TIGD3: variants seen among roughly 807,000 people sequenced by gnomAD.
The protein encoded by TIGD3 is tigger transposable element-derived protein 3.
Under a neutral mutation model 14.8 loss-of-function variants are expected in TIGD3, and 7 were observed. The observed-to-expected ratio is 0.47, with a 90% CI of 0.27 to 0.89. The LOEUF is 0.89. Ranked by LOEUF, TIGD3 falls within the 40% of genes least tolerant of loss-of-function variation. The pLI, the probability that TIGD3 is intolerant of heterozygous loss-of-function variation, is 0.13. For synonymous variants in TIGD3, 243 were observed against 269.4 expected (o/e 0.90, Z 0.96); for missense variants, 581 against 611.0 (o/e 0.95, Z 0.52).
chr11:65,355,336 CTG>C (rs1316688018), intron 1 of TIGD3, among the ~76,000 whole-genome samples: 1 of 151,846 alleles, frequency 6.6e-6, no homozygotes, highest in African/African-American at 2.4e-5. Context: ...CACCTCAACT[CTG>C]TGTGCATCCA....
rs763224352 is a variant in TIGD3, at chr11:65,356,225, T to G, written c.417T>G (p.His139Gln). Residue 139 changes from histidine (H) to glutamine (Q), a missense_variant, in exon 2 of 2, where the codon CAT becomes CAG. Coordinates refer to ENST00000309880, the MANE Select transcript of TIGD3 (RefSeq NM_145719.3). The surrounding 1 kb of genome is among the most constrained non-coding windows in gnomAD (Gnocchi z 5.2). ...ACAACGTCGGCTTTGGGGCCCGCCATGTTCTTGCGCCTTCATTCCCCCCTG... is the reference window on the plus strand; with the variant it reads ...ACAACGTCGGCTTTGGGGCCCGCCAGGTTCTTGCGCCTTCATTCCCCCCTG... ...RRNNVGFGAR[H>Q]VLAPSFPPEP... 3 of 1,613,158 alleles carry G rather than the reference T, an allele frequency of 1.9e-6. No homozygotes were observed.
At position 65,356,960 on chromosome 11, in the gene TIGD3, C is replaced by T. The variant is rs780734660; in HGVS notation, c.1152C>T (p.Pro384=). 3 of 1,614,142 alleles carry T rather than the reference C, an allele frequency of 1.9e-6. No individual in the cohort carries two copies. Among genetic ancestry groups the T allele is most frequent in the Non-Finnish European group, 2.5e-6 (3 of 1,180,038 alleles). The change falls in exon 2 of 2, where the codon CCC becomes CCT. Residue 384 remains proline (P), a synonymous_variant. Coordinates refer to ENST00000309880, the MANE Select transcript of TIGD3 (RefSeq NM_145719.3). The surrounding 1 kb of genome is among the most constrained non-coding windows in gnomAD (Gnocchi z 5.2). ...SHKTSEMPPV[P]GGLSLEEFSR... is the part of the protein sequence containing the mutation. Reference sequence around the variant, plus strand: ...AAACCTCTGAGATGCCACCAGTCCCCGGCGGGCTGAGCCTGGAGGAGTTTT... The same window carrying T: ...AAACCTCTGAGATGCCACCAGTCCCTGGCGGGCTGAGCCTGGAGGAGTTTT...
chr11:65,355,823 CAAG>C lies in TIGD3; in HGVS notation c.22_24del (p.Lys8del), dbSNP rs773003096. The C allele has an allele frequency of 9.3e-6, 15 of 1,612,122 alleles. No individual in the cohort carries two copies. Among genetic ancestry groups the C allele is most frequent in the South Asian group, 4.4e-5 (4 of 91,004 alleles). ...CCGGAGAGGCCATGGAGCTGAGCAG[CAAG>C]AAGAAGCTTCACGCCCTGTCCCTGG... On this transcript the variant is annotated inframe_deletion, in exon 2 of 2. Transcript: ENST00000309880.
At chr11:65,355,411 C>T (rs1854834490) in intron 1 of TIGD3, among the ~76,000 whole-genome samples, 1 of 150,752 alleles carries the variant, frequency 6.6e-6, no homozygotes. Flanking sequence ...CACTCCCTCC[C>T]GGGGGCTCCT....
At position 65,356,022 on chromosome 11, in the gene TIGD3, C is replaced by T. The variant is rs1298167324; in HGVS notation, c.214C>T (p.Arg72Trp). 12 of 1,613,406 alleles carry T rather than the reference C, an allele frequency of 7.4e-6. No homozygotes were observed. The highest frequency in any genetic ancestry group is 1.0e-5 in the Non-Finnish European group (12 of 1,180,034). Residue 72 changes from arginine to tryptophan, a missense_variant, in exon 2 of 2, where the codon CGG becomes TGG. By Grantham distance (101) the Arg-to-Trp change is moderately radical. Transcript: ENST00000309880. The surrounding 1 kb of genome is among the most constrained non-coding windows in gnomAD (Gnocchi z 5.2). ...AGCCAACCGAGAGCGCAAGCGCAAG[C>T]GGGAGTCCAAGTACAGCGGGATCGA... ...GTANRERKRK[R>W]ESKYSGIDEA...
chr11:65,355,827 A>G lies in TIGD3; in HGVS notation c.19A>G (p.Lys7Glu). The change falls in exon 2 of 2, where the codon AAG becomes GAG. Residue 7 changes from lysine (K) to glutamate (E), a missense_variant. Coordinates refer to ENST00000309880, the MANE Select transcript of TIGD3 (RefSeq NM_145719.3). MELSSK[K>E]KLHALSLAEK... Reference sequence around the variant, plus strand: ...AGAGGCCATGGAGCTGAGCAGCAAGAAGAAGCTTCACGCCCTGTCCCTGGC... The same window carrying G: ...AGAGGCCATGGAGCTGAGCAGCAAGGAGAAGCTTCACGCCCTGTCCCTGGC... 1 of 1,612,634 alleles carries G rather than the reference A, an allele frequency of 6.2e-7. No individual in the cohort carries two copies. The highest frequency in any genetic ancestry group is 8.5e-7 in the Non-Finnish European group (1 of 1,179,314).
rs779678255 is a variant in TIGD3 at position 65,356,042 on chromosome 11, G to A, written c.234G>A (p.Gly78=). The A allele has an allele frequency of 3.2e-5, 52 of 1,612,878 alleles. No individual in the cohort carries two copies. The highest frequency in any genetic ancestry group is 2.3e-4 in the Admixed American group (14 of 60,004). The change falls in exon 2 of 2, where the codon GGG becomes GGA. Residue 78 remains glycine (G), a synonymous_variant. Transcript: ENST00000309880. This position sits in a 1 kb window ranked among gnomAD's most constrained non-coding sequence, Gnocchi z 5.2. ...GCAAGCGGGAGTCCAAGTACAGCGG[G>A]ATCGACGAGGCTCTGCTCTGCTGGT... ...RKRKRESKYS[G]IDEALLCWYH... is the part of the protein sequence containing the mutation.
At chr11:65,355,484 C>T (rs1458070594) in intron 1 of TIGD3, among the ~76,000 whole-genome samples, 3 of 150,972 alleles carry the variant, frequency 2.0e-5, no homozygotes, top group Admixed American at 6.6e-5. Flanking sequence ...CTCCCCCGTC[C>T]GTATGCCTTT....
rs756375682 is a variant in TIGD3 at position 65,357,173 on chromosome 11, C to G, written c.1365C>G (p.Phe455Leu). 2 of 1,614,046 alleles carry G rather than the reference C, an allele frequency of 1.2e-6. No homozygotes were observed. The highest frequency in any genetic ancestry group is 1.7e-6 in the Non-Finnish European group (2 of 1,180,040). ...GCAACAGCACTTCTCCTGAGCTATTCGAAAAATTCTACGACTGTGAGGAGG... is the reference window on the plus strand; with the variant it reads ...GCAACAGCACTTCTCCTGAGCTATTGGAAAAATTCTACGACTGTGAGGAGG... ...FECNSTSPEL[F>L]EKFYDCEEEV... The change falls in exon 2 of 2, where the codon TTC becomes TTG. Residue 455 changes from phenylalanine (F) to leucine (L), a missense_variant. By Grantham distance (22) the Phe-to-Leu change is conservative. Coordinates refer to ENST00000309880, the MANE Select transcript of TIGD3 (RefSeq NM_145719.3).
rs1482807677 is a variant in TIGD3 at position 65,354,755 on chromosome 11, C to A, written c.-219C>A. The A allele has an allele frequency of 6.6e-6, 1 of 151,166 alleles. No individual in the cohort carries two copies. Among genetic ancestry groups the A allele is most frequent in the Admixed American group, 6.6e-5 (1 of 15,194 alleles). The allele number at this position is 151,166 out of a possible 1,614,324, so 9.4% of individuals were successfully genotyped here. ...AGGGGCCGCACCGCGGACTTCGCAG[C>A]CGGGAGAGAGCCCGGCGCGGGCGGC... On this transcript the variant is annotated 5_prime_UTR_variant, in exon 1 of 2. Coordinates refer to ENST00000309880, the MANE Select transcript of TIGD3 (RefSeq NM_145719.3).
In TIGD3 at chr11:65,357,019, G is replaced by A; in HGVS notation, c.1211G>A (p.Arg404Lys). 6.2e-7 allele frequency: 1 copy of A among 1,614,142 alleles called. No individual in the cohort carries two copies. ...RFVDLEGEEPRSGVCKEEIGT... is the reference protein window; with the variant it reads ...RFVDLEGEEPKSGVCKEEIGT... ...GTGGACCTGGAGGGTGAGGAGCCAA[G>A]GTCTGGAGTATGTAAGGAGGAGATA... is the stretch of plus-strand genomic sequence containing the variant. The change falls in exon 2 of 2, where the codon AGG (arginine) becomes AAG (lysine). Residue 404 changes from arginine to lysine, a missense_variant. Arg to Lys is a conservative substitution (Grantham distance 26, BLOSUM62 2). Coordinates refer to ENST00000309880, the MANE Select transcript of TIGD3 (RefSeq NM_145719.3).
In TIGD3 at chr11:65,356,096, C is replaced by A. The variant is rs1265301641; in HGVS notation, c.288C>A (p.Asp96Glu). 1.9e-6 allele frequency: 3 copies of A among 1,611,442 alleles called. No individual in the cohort carries two copies. The Admixed American group carries it at 5.0e-5, about 27-fold the overall frequency. Residue 96 changes from aspartate (D) to glutamate (E), a missense_variant, in exon 2 of 2, where the codon GAC becomes GAA. Coordinates refer to ENST00000309880, the MANE Select transcript of TIGD3 (RefSeq NM_145719.3). The surrounding 1 kb of genome is among the most constrained non-coding windows in gnomAD (Gnocchi z 5.2). ...ACATTGCCCGGGCCAAGGCCTGGGA[C>A]GTGACGGGGCCCATGCTGCTCCACA... ...WYHIARAKAW[D>E]VTGPMLLHKA...
chr11:65,355,247 C>A (rs1394017460), intron 1 of TIGD3, among the ~76,000 whole-genome samples: 1 of 151,734 alleles, frequency 6.6e-6, no homozygotes, highest in Non-Finnish European at 1.5e-5. Flanking sequence ...CGTCGCCTAG[C>A]CTCCCTCTCA....
At chr11:65,355,351 C>T (rs937588000) in intron 1 of TIGD3, among the ~76,000 whole-genome samples, 2 of 146,142 alleles carry the variant, frequency 1.4e-5, no homozygotes, top group Admixed American at 6.8e-5. Context: ...TGCATCCACC[C>T]ACCTCCCACC....
In TIGD3 at chr11:65,356,921, C is replaced by G. The variant is rs775020915; in HGVS notation, c.1113C>G (p.Pro371=). 2.5e-6 allele frequency: 4 copies of G among 1,613,958 alleles called. No individual in the cohort carries two copies. The highest frequency in any genetic ancestry group is 3.4e-6 in the Non-Finnish European group (4 of 1,180,046). ...IQEGLAPGKT[P]PSSHKTSEMP... Reference sequence around the variant, plus strand: ...AAGGGCTGGCTCCCGGCAAAACGCCCCCGTCCTCGCACAAAACCTCTGAGA... The same window carrying G: ...AAGGGCTGGCTCCCGGCAAAACGCCGCCGTCCTCGCACAAAACCTCTGAGA... The change falls in exon 2 of 2, where the codon CCC becomes CCG. Residue 371 remains proline (P), a synonymous_variant. Transcript: ENST00000309880. The surrounding 1 kb of genome is among the most constrained non-coding windows in gnomAD (Gnocchi z 5.2).
At position 65,357,199 on chromosome 11, in the gene TIGD3, A is replaced by G; in HGVS notation, c.1391A>G (p.Glu464Gly). The part of the protein sequence containing the change: ...LFEKFYDCEE[E>G]VERLCCL Reference sequence around the variant, plus strand: ...GAAAAATTCTACGACTGTGAGGAGGAGGTGGAGCGGCTTTGCTGCCTATGA... The same window carrying G: ...GAAAAATTCTACGACTGTGAGGAGGGGGTGGAGCGGCTTTGCTGCCTATGA... The change falls in exon 2 of 2, where the codon GAG becomes GGG. Residue 464 changes from glutamate to glycine, a missense_variant. Glu to Gly is a moderately conservative substitution (Grantham distance 98). Coordinates refer to ENST00000309880, the MANE Select transcript of TIGD3 (RefSeq NM_145719.3). The G allele has an allele frequency of 1.2e-6, 2 of 1,614,114 alleles. No individual in the cohort carries two copies. Among genetic ancestry groups the G allele is most frequent in the Non-Finnish European group, 1.7e-6 (2 of 1,180,010 alleles).
chr11:65,357,365 C>T lies in TIGD3; in HGVS notation c.*141C>T, dbSNP rs1482040486. On this transcript the variant is annotated 3_prime_UTR_variant, in exon 2 of 2. Transcript: ENST00000309880. ...GTAGAAGGGAGAGAAGTTGGGACAC[C>T]AAGTCTGAGCTTGGAGTGGCAGTCG... The T allele has an allele frequency of 2.5e-6, 2 of 793,856 alleles. No homozygotes were observed. The highest frequency in any genetic ancestry group is 3.5e-5 in the African/African-American group (2 of 57,054). The allele number at this position is 793,856 out of a possible 1,614,324, so 49.2% of individuals were successfully genotyped here.
In TIGD3 at chr11:65,356,531, C is replaced by G. The variant is rs761390041; in HGVS notation, c.723C>G (p.Ile241Met). The G allele has an allele frequency of 7.2e-5, 116 of 1,606,974 alleles. No homozygotes were observed. The highest frequency in any genetic ancestry group is 9.7e-5 in the Non-Finnish European group (115 of 1,179,956). ...LPASYHPDLG[I>M]PWLEWLAQFD... Reference sequence around the variant, plus strand: ...CCTCCTACCACCCGGACCTGGGCATCCCCTGGTTAGAGTGGTTGGCACAGT... The same window carrying G: ...CCTCCTACCACCCGGACCTGGGCATGCCCTGGTTAGAGTGGTTGGCACAGT... Residue 241 changes from isoleucine to methionine, a missense_variant, in exon 2 of 2, where the codon ATC (isoleucine) becomes ATG (methionine). Transcript: ENST00000309880. The surrounding 1 kb of genome is among the most constrained non-coding windows in gnomAD (Gnocchi z 5.2).
At position 65,356,487 on chromosome 11, in the gene TIGD3, C is replaced by A; in HGVS notation, c.679C>A (p.Arg227Ser). The change falls in exon 2 of 2, where the codon CGC (arginine) becomes AGC (serine). Residue 227 changes from arginine to serine, a missense_variant. Coordinates refer to ENST00000309880, the MANE Select transcript of TIGD3 (RefSeq NM_145719.3). The surrounding 1 kb of genome is among the most constrained non-coding windows in gnomAD (Gnocchi z 5.2). ...TGCCCCGAGATGCTTCTTTGGGATC[C>A]GCAGTGAGGCTCTGCCTGCCTCCTA... ...QAAPRCFFGIRSEALPASYHP... is the reference protein window; with the variant it reads ...QAAPRCFFGISSEALPASYHP... The A allele has an allele frequency of 6.2e-7, 1 of 1,606,996 alleles. No homozygotes were observed.
Sources: allele counts gnomAD v4.1 joint callset (sites outside exome capture counted in the v4.1 genomes callset), GRCh38; gene constraint gnomAD v4.1.1; non-coding constraint Gnocchi (gnomAD v3.1); transcripts MANE v1.5; gene names NCBI Gene and HGNC (gene_info 2026-07-23, HGNC 2026-07-21).